NPAS1: variants seen among roughly 807,000 people sequenced by gnomAD.
The protein encoded by NPAS1 is neuronal PAS domain-containing protein 1.
In NPAS1, 29 loss-of-function variants were observed where a neutral mutation model predicts 49.2. The ratio of observed to expected loss-of-function variants is 0.59; its 90% CI spans 0.44 to 0.80. The LOEUF (loss-of-function observed/expected upper bound fraction) is 0.80. NPAS1 is among the 30% of genes least tolerant of loss of function. The pLI, the probability that NPAS1 is intolerant of heterozygous loss-of-function variation, is 0.00. For missense variants in NPAS1, 825 were observed against 835.5 expected, an observed-to-expected ratio of 0.99 and a Z score of 0.15; for synonymous variants, 408 against 380.4, an observed-to-expected ratio of 1.07 and a Z score of -0.84.
intron 6 of NPAS1, 109 bp from the exon 7 acceptor site, chr19:47,038,927 T>C: frequency 3.4e-6 from 3 of 884,850 alleles, no homozygotes; most frequent in Non-Finnish European, 5.6e-6. Flanking sequence ...AGTGCGGCCG[T>C]GGCCCAGCGG....
intron 7 of NPAS1, 91 bp downstream of exon 7, chr19:47,039,242 C>A: frequency 6.9e-7 from 1 of 1,453,764 alleles, no homozygotes; most frequent in Admixed American, 2.1e-5. Context: ...GCTTCACTGG[C>A]TGCAGGTGGC....
At chr19:47,032,491 C>A in intron 4 of NPAS1, 140 bp downstream of exon 4, 1 of 1,099,074 alleles carries the variant, frequency 9.1e-7, no homozygotes, top group Non-Finnish European at 1.4e-6. Context: ...CCCTCCACTC[C>A]CTGCCCCTTC....
Position 47,021,200 on chromosome 19 carries a change from G to GCC in NPAS1, c.122+39_122+40dup, listed in dbSNP as rs367800338. ...CAAAGCCCCGCCCCCCTGGCCGCGG[G>GCC]CCCCCCCCCGGGTCCAATTCACACC... On this transcript the variant is annotated intron_variant, in intron 2 of 11. Transcript: ENST00000602212. The surrounding 1 kb of genome is among the most constrained non-coding windows in gnomAD (Gnocchi z 5.7). 118 of 1,422,754 alleles carry GCC rather than the reference G, an allele frequency of 8.3e-5. No individual in the cohort carries two copies. Among genetic ancestry groups the GCC allele is most frequent in the South Asian group, 5.8e-4 (41 of 70,278 alleles). 88.1% of individuals were successfully genotyped at this position (1,422,754 alleles called of 1,614,324 possible). A position where few individuals can be genotyped will look rare whatever the true frequency, so the allele number is the denominator to read the frequency against.
chr19:47,020,644 G>A (rs554582996), intron 1 of NPAS1, among the ~76,000 whole-genome samples: 68 of 152,018 alleles, frequency 4.5e-4, no homozygotes, highest in African/African-American at 1.6e-3. Context: ...TGCCTGGCCC[G>A]GGAGGCGCCC....
chr19:47,023,218 A>G (rs1568499790), intron 3 of NPAS1, among the ~76,000 whole-genome samples: 1 of 150,464 alleles, frequency 6.6e-6, no homozygotes, highest in Non-Finnish European at 1.5e-5. Flanking sequence ...CGCGAACAAC[A>G]TGTGCGCCGG....
intron 4 of NPAS1, 40 bp downstream of exon 4, chr19:47,032,391 C>A: frequency 6.2e-7 from 1 of 1,601,740 alleles, no homozygotes; most frequent in Non-Finnish European, 8.6e-7. Context: ...TCCTTGCTAC[C>A]ACCTAGCGGC....
intron 6 of NPAS1, 101 bp from the exon 7 acceptor site, chr19:47,038,935 C>T (rs1189223103): frequency 3.1e-6 from 3 of 978,942 alleles, no homozygotes; most frequent in South Asian, 1.3e-5. Context: ...CGTGGCCCAG[C>T]GGACATCTTG....
Position 47,034,375 on chromosome 19 carries a change from G to A in NPAS1, c.523-1589G>A, listed in dbSNP as rs890636208. 8.6e-5 allele frequency among the ~76,000 whole-genome samples: 13 copies of A among 151,356 alleles called. No homozygotes were observed. The East Asian group carries it at 2.1e-3, about 25-fold the overall frequency. Reference sequence around the variant, plus strand: ...TGAAAGCCCCATCCTTGGAGCCCTGGCATCTCACAGCACCTTAAGCTTTGC... The same window carrying A: ...TGAAAGCCCCATCCTTGGAGCCCTGACATCTCACAGCACCTTAAGCTTTGC... On this transcript the variant is annotated intron_variant, in intron 5 of 11. Coordinates refer to ENST00000602212, the MANE Select transcript of NPAS1 (RefSeq NM_002517.4).
At chr19:47,036,162 G>C (rs1404888353) in intron 6 of NPAS1, 33 bp downstream of exon 6, 4 of 1,548,576 alleles carry the variant, frequency 2.6e-6, no homozygotes, top group Non-Finnish European at 3.5e-6. Context: ...AATGAAGTCT[G>C]AGGGTAGATC....
chr19:47,022,806 T>C (rs183885731), intron 3 of NPAS1, among the ~76,000 whole-genome samples: 84 of 152,374 alleles, frequency 5.5e-4, no homozygotes, highest in African/African-American at 1.9e-3. Flanking sequence ...CTCTGTAAGA[T>C]ACAGATAAAT....
chr19:47,030,046 T>C (rs1478703321), intron 3 of NPAS1, among the ~76,000 whole-genome samples: 1 of 152,058 alleles, frequency 6.6e-6, no homozygotes, highest in African/African-American at 2.4e-5. Context: ...TTTTTTGAGA[T>C]GGAGTCTCGC....
rs925706524 is a variant in NPAS1 at position 47,021,736 on chromosome 19, G to C, written c.247G>C (p.Asp83His). The change falls in exon 3 of 12, where the codon GAC (aspartate) becomes CAC (histidine). Residue 83 changes from aspartate to histidine, a missense_variant. By Grantham distance (81) the Asp-to-His change is moderately conservative. Transcript: ENST00000602212. The surrounding 1 kb of genome is among the most constrained non-coding windows in gnomAD (Gnocchi z 5.7). ...PLPGAISSQL[D>H]KASIVRLSVT... Reference sequence around the variant, plus strand: ...GCCCGGCGCCATCTCCAGCCAGCTGGACAAGGCTTCCATCGTGCGCCTCAG... The same window carrying C: ...GCCCGGCGCCATCTCCAGCCAGCTGCACAAGGCTTCCATCGTGCGCCTCAG... The C allele has an allele frequency of 3.2e-6, 5 of 1,548,354 alleles. No homozygotes were observed. In the African/African-American group the frequency reaches 6.9e-5, roughly 22 times the overall value.
At chr19:47,042,568 A>G (rs2057032689) in intron 10 of NPAS1, among the ~76,000 whole-genome samples, 1 of 152,190 alleles carries the variant, frequency 6.6e-6, no homozygotes, top group South Asian at 2.1e-4. Context: ...GAGGACACCC[A>G]GGTGGTGACA....
chr19:47,038,387 C>T (rs772725151), intron 6 of NPAS1, among the ~76,000 whole-genome samples: 6 of 149,804 alleles, frequency 4.0e-5, no homozygotes, highest in Admixed American at 1.3e-4. Flanking sequence ...CATGATGGCG[C>T]GTGCCTGTAA....
chr19:47,036,973 G>A (rs553766772), intron 6 of NPAS1, among the ~76,000 whole-genome samples: 1 of 151,094 alleles, frequency 6.6e-6, no homozygotes, highest in Non-Finnish European at 1.5e-5. Flanking sequence ...TGGGAGGATG[G>A]CTTGAGCCTT....
intron 3 of NPAS1, among the ~76,000 whole-genome samples, chr19:47,031,194 T>TG (rs386365581): frequency 0.59 from 74,259 of 125,538 alleles, 21,153 homozygotes; most frequent in Non-Finnish European, 0.7. Flanking sequence ...TGTGTGTGTG[T>TG]TTTTTTTTTT....
chr19:47,032,032 T>A (rs1473357945), intron 3 of NPAS1, among the ~76,000 whole-genome samples: 3 of 151,804 alleles, frequency 2.0e-5, no homozygotes, highest in Non-Finnish European at 4.4e-5. Context: ...AGTGAATGGG[T>A]GGATGAATGA....
chr19:47,026,677 C>CG (rs2056872591), intron 3 of NPAS1, among the ~76,000 whole-genome samples: 1 of 151,936 alleles, frequency 6.6e-6, no homozygotes, highest in Non-Finnish European at 1.5e-5. Flanking sequence ...AAAGTGCGGC[C>CG]GGGGCGGTGG....
chr19:47,045,420 G>A lies in NPAS1; in HGVS notation c.1542G>A (p.Ala514=), dbSNP rs889169. 940,592 of 1,607,402 alleles carry A rather than the reference G, an allele frequency of 0.59. 283,650 individuals carry two copies. The highest frequency in any genetic ancestry group is 0.69 in the East Asian group (30,673 of 44,664). ...KQDPVRPWGL[A]PPGDPPPTLL... ...ATCCGGTGCGGCCATGGGGCCTGGC[G>A]CCTCCCGGGGACCCCCCGCCCACCC... The change falls in exon 12 of 12, where the codon GCG becomes GCA. Residue 514 remains alanine, a synonymous_variant. Transcript: ENST00000602212.
Sources: gnomAD v4.1 joint callset for allele counts (sites outside exome capture counted in the v4.1 genomes callset) on GRCh38, gnomAD v4.1.1 for gene constraint, Gnocchi (gnomAD v3.1) non-coding constraint, MANE v1.5 for transcripts, NCBI Gene and HGNC (gene_info 2026-07-23, HGNC 2026-07-21) for gene names.